Variants in ZBTB49 observed in about 807,000 individuals in gnomAD.
ZBTB49 encodes zinc finger and BTB domain-containing protein 49.
Under a neutral mutation model 57.5 loss-of-function variants are expected in ZBTB49, and 43 were observed. The ratio of observed to expected loss-of-function variants is 0.75; its 90% confidence interval spans 0.59 to 0.97. The LOEUF is 0.97. ZBTB49 is among the 50% of genes least tolerant of loss of function. The pLI, the probability that ZBTB49 is intolerant of heterozygous loss-of-function variation, is 0.00. For missense variants in ZBTB49, 938 were observed against 947.7 expected, an observed-to-expected ratio of 0.99 and a Z score of 0.13; for synonymous variants, 369 against 362.1, an observed-to-expected ratio of 1.02 and a Z score of -0.22.
At chr4:4,303,760 C>CTCTCTCTCTCTCTCTCTCTGTGTGTGTG (rs1223289249) in intron 3 of ZBTB49, among the ~76,000 whole-genome samples, 239 of 121,330 alleles carry the variant, frequency 2.0e-3, no homozygotes, top group Admixed American at 2.0e-3. Context: ...CTCTCTCTCT[C>CTCTCTCTCTCTCTCTCTCTGTGTGTGTG]TGTGTGTGTG....
At chr4:4,316,210 C>T (rs906470760) in intron 7 of ZBTB49, among the ~76,000 whole-genome samples, 2 of 152,142 alleles carry the variant, frequency 1.3e-5, no homozygotes, top group African/African-American at 4.8e-5. Context: ...GACAGAGTCC[C>T]AGGTGCTGAG....
At chr4:4,311,917 A>G (rs1426551680) in intron 4 of ZBTB49, among the ~76,000 whole-genome samples, 4 of 118,538 alleles carry the variant, frequency 3.4e-5, no homozygotes, top group African/African-American at 5.6e-5. Flanking sequence ...TTCATGTTAT[A>G]TAGTCCGCAG....
intron 1 of ZBTB49, among the ~76,000 whole-genome samples, chr4:4,290,613 C>T (rs753212489): frequency 6.6e-5 from 10 of 152,230 alleles, no homozygotes; most frequent in Non-Finnish European, 1.2e-4. Context: ...GGGCCTTCTC[C>T]CTGGTGCAGC....
At chr4:4,305,506 A>G (rs1720696177) in intron 3 of ZBTB49, among the ~76,000 whole-genome samples, 1 of 152,198 alleles carries the variant, frequency 6.6e-6, no homozygotes, top group Non-Finnish European at 1.5e-5. Context: ...GTTTTTTTGT[A>G]GTAGAGTACC....
At chr4:4,305,156 AT>A (rs1720681851) in intron 3 of ZBTB49, among the ~76,000 whole-genome samples, 1 of 44,706 alleles carries the variant, frequency 2.2e-5, no homozygotes, top group Non-Finnish European at 4.7e-5. Context: ...GTAATTATTA[AT>A]TTATTATTAA....
intron 1 of ZBTB49, 74 bp from the exon 2 acceptor site, chr4:4,299,849 ATCAG>A: frequency 1.3e-5 from 17 of 1,317,486 alleles, no homozygotes. Flanking sequence ...GCACAGATCA[ATCAG>A]TAAGTTTCAG....
At chr4:4,315,413 GA>G (rs914835094) in intron 5 of ZBTB49, among the ~76,000 whole-genome samples, 1 of 152,046 alleles carries the variant, frequency 6.6e-6, no homozygotes, top group Non-Finnish European at 1.5e-5. Context: ...AAATCAGGTA[GA>G]AAAAAATGCT....
intron 7 of ZBTB49, among the ~76,000 whole-genome samples, chr4:4,318,890 T>TA (rs71634691): frequency 0.52 from 70,696 of 135,512 alleles, 18,155 homozygotes; most frequent in Middle Eastern, 0.64. Context: ...TTGTTTTTTT[T>TA]AATCTTTTTT....
At chr4:4,310,438 G>A (rs917691031) in intron 4 of ZBTB49, among the ~76,000 whole-genome samples, 3 of 151,860 alleles carry the variant, frequency 2.0e-5, no homozygotes, top group Admixed American at 6.6e-5. Context: ...AATACTCTTC[G>A]CAACGGTTTA....
At chr4:4,311,411 G>C (rs1720975419) in intron 4 of ZBTB49, among the ~76,000 whole-genome samples, 1 of 152,188 alleles carries the variant, frequency 6.6e-6, no homozygotes, top group African/African-American at 2.4e-5. Flanking sequence ...TAAAACACTG[G>C]TGTATTATTT....
rs1385074574 is a variant in ZBTB49 at position 4,321,143 on chromosome 4, A to G, written c.2125A>G (p.Met709Val). The part of the protein sequence containing the change: ...AGGEPLQADG[M>V]AMIRSSLAAL... The stretch of plus-strand genomic sequence containing the variant: ...TGGCGAACCACTGCAGGCCGATGGC[A>G]TGGCCATGATCCGTTCCTCTCTGGC... Residue 709 changes from methionine to valine, a missense_variant, in exon 8 of 8, where the codon ATG becomes GTG. By Grantham distance (21) the Met-to-Val change is conservative. Coordinates refer to ENST00000337872, the MANE Select transcript of ZBTB49 (RefSeq NM_145291.4). 2 of 1,614,048 alleles carry G rather than the reference A, an allele frequency of 1.2e-6. No individual in the cohort carries two copies. The highest frequency in any genetic ancestry group is 1.3e-5 in the African/African-American group (1 of 74,926).
At position 4,313,036 on chromosome 4, in the gene ZBTB49, T is replaced by C. The variant is rs1360176380; in HGVS notation, c.1303-5T>C. 6 of 1,613,728 alleles carry C rather than the reference T, an allele frequency of 3.7e-6. No individual in the cohort carries two copies. Among genetic ancestry groups the C allele is most frequent in the Non-Finnish European group, 5.1e-6 (6 of 1,179,972 alleles). ...TGGTGTGTTTTTCTTTTCCTCTTTT[T>C]GCAGGCAGGTAACTTGCAGACTCAC... On this transcript the variant is annotated splice_region_variant and splice_polypyrimidine_tract_variant and intron_variant, in intron 4 of 7. Transcript: ENST00000337872.
intron 4 of ZBTB49, among the ~76,000 whole-genome samples, chr4:4,306,713 G>A (rs1720750084): frequency 6.6e-6 from 1 of 152,226 alleles, no homozygotes; most frequent in Admixed American, 6.5e-5. Flanking sequence ...GCCAGGTGCT[G>A]TGCTGGGCAT....
chr4:4,299,789 G>T (rs1461351641), intron 1 of ZBTB49, 138 bp from the exon 2 acceptor site: 10 of 685,216 alleles, frequency 1.5e-5, no homozygotes, highest in East Asian at 5.6e-5. Flanking sequence ...GTGTGTGTGT[G>T]TGTGTGTGTG....
At chr4:4,292,043 C>T (rs1434192378) in intron 1 of ZBTB49, among the ~76,000 whole-genome samples, 2 of 151,950 alleles carry the variant, frequency 1.3e-5, no homozygotes, top group African/African-American at 4.8e-5. Context: ...GAGGCTGAGG[C>T]GAGTGGATCA....
At chr4:4,313,428 G>T (rs1274904363) in intron 5 of ZBTB49, among the ~76,000 whole-genome samples, 4 of 152,136 alleles carry the variant, frequency 2.6e-5, no homozygotes, top group African/African-American at 7.2e-5. Context: ...AAATATAATA[G>T]ATTAATGCCC....
chr4:4,302,268 C>T lies in ZBTB49; in HGVS notation c.432C>T (p.Ala144=), dbSNP rs1297604833. 5 of 1,614,148 alleles carry T rather than the reference C, an allele frequency of 3.1e-6. No homozygotes were observed. Among genetic ancestry groups the T allele is most frequent in the Non-Finnish European group, 3.4e-6 (4 of 1,179,990 alleles). The change falls in exon 3 of 8, where the codon GCC becomes GCT. Residue 144 remains alanine (A), a synonymous_variant. Coordinates refer to ENST00000337872, the MANE Select transcript of ZBTB49 (RefSeq NM_145291.4). ...TACAAAGCACCCTGACCCCAGATGCCACTTGTGTTATCAGTGAAAACTACC... is the reference window on the plus strand; with the variant it reads ...TACAAAGCACCCTGACCCCAGATGCTACTTGTGTTATCAGTGAAAACTACC... The part of the protein sequence containing the change: ...LSLQSTLTPD[A]TCVISENYPP...
In ZBTB49 at chr4:4,294,872, C is replaced by CATGT. The variant is rs1553803053; in HGVS notation, c.-20+4520_-20+4521insATGT. On this transcript the variant is annotated intron_variant, in intron 1 of 7. Transcript: ENST00000337872. ...TTAACAGGTCTGTGGAGGAGGGTTT[C>CATGT]GTGTGTGTGTGTGTGTGTGTGTGTG... Among the ~76,000 whole-genome samples, 55 of 138,010 alleles carry CATGT rather than the reference C, an allele frequency of 4.0e-4. 1 individual carries two copies. The highest frequency in any genetic ancestry group is 1.1e-3 in the African/African-American group (42 of 37,432). 90.5% of individuals were successfully genotyped at this position (138,010 alleles called of 152,430 possible). A position where few individuals can be genotyped will look rare whatever the true frequency, so the allele number is the denominator to read the frequency against.
chr4:4,302,394 C>T lies in ZBTB49; in HGVS notation c.558C>T (p.Ser186=), dbSNP rs150780011. Residue 186 remains serine, a synonymous_variant, in exon 3 of 8, where the codon TCC becomes TCT. Transcript: ENST00000337872. ...CACCATCAGTTAATCGTCATCACTCCGCAGGTGAAATCTCAAAACAAGCTC... is the reference window on the plus strand; with the variant it reads ...CACCATCAGTTAATCGTCATCACTCTGCAGGTGAAATCTCAAAACAAGCTC... ...HASPSVNRHH[S]AGEISKQAPD... 7.9e-5 allele frequency: 127 copies of T among 1,614,194 alleles called. No individual in the cohort carries two copies. The East Asian group carries it at 2.1e-3, about 27-fold the overall frequency.
Sources: allele counts gnomAD v4.1 joint callset (sites outside exome capture counted in the v4.1 genomes callset), GRCh38; gene constraint gnomAD v4.1.1; transcripts MANE v1.5; gene names NCBI Gene and HGNC (gene_info 2026-07-23, HGNC 2026-07-21).